SGCD: variants seen among roughly 807,000 people sequenced by gnomAD.
The protein encoded by SGCD is delta-sarcoglycan.
Under a neutral mutation model 36.6 loss-of-function variants are expected in SGCD, and 18 were observed. The ratio of observed to expected loss-of-function variants is 0.49; its 90% CI spans 0.34 to 0.73. The LOEUF is 0.73. Ranked by LOEUF, SGCD falls within the 30% of genes least tolerant of loss-of-function variation. The probability of loss-of-function intolerance (pLI) is 0.01; values close to 1 mark genes in which losing one functional copy is unlikely to be tolerated. For synonymous variants in SGCD, 133 were observed against 130.6 expected (o/e 1.02, Z -0.12); for missense variants, 387 against 346.7 (o/e 1.12, Z -0.92).
chr5:156,363,934 G>A (rs1379962919), intron 3 of SGCD, among the ~76,000 whole-genome samples: 3 of 152,098 alleles, frequency 2.0e-5, no homozygotes, highest in Non-Finnish European at 4.4e-5. Context: ...TTGGCCTGAC[G>A]GGAGTCACAT....
intron 7 of SGCD, among the ~76,000 whole-genome samples, chr5:156,681,797 T>G (rs1753733089): frequency 6.6e-6 from 1 of 152,192 alleles, no homozygotes; most frequent in African/African-American, 2.4e-5. Context: ...ATTAGAATGG[T>G]TTTTAAAGGT....
chr5:156,560,842 A>G lies in SGCD; in HGVS notation c.295-28389A>G, dbSNP rs4524494. 3.2e-3 allele frequency among the ~76,000 whole-genome samples: 483 copies of G among 152,268 alleles called. 5 individuals carry two copies. Among genetic ancestry groups the G allele is most frequent in the African/African-American group, 0.011 (463 of 41,550 alleles). ...TGGATCAAATTAGGTAAGTCAGTTT[A>G]TATATTTGATCTTCAGTTTTCTCAC... On this transcript the variant is annotated intron_variant, in intron 4 of 8. Transcript: ENST00000337851.
intron 3 of SGCD, among the ~76,000 whole-genome samples, chr5:156,267,830 T>C (rs1336778128): frequency 1.3e-5 from 2 of 152,266 alleles, no homozygotes; most frequent in African/African-American, 4.8e-5. Flanking sequence ...TTCAATCTTT[T>C]AGGCTGTCTT....
At chr5:156,606,862 G>T (rs1761485993) in intron 6 of SGCD, among the ~76,000 whole-genome samples, 4 of 152,158 alleles carry the variant, frequency 2.6e-5, no homozygotes, top group African/African-American at 9.7e-5. Flanking sequence ...TGTTATTGGT[G>T]TATAAGAATG....
chr5:156,292,290 C>T (rs1766778154), intron 3 of SGCD, among the ~76,000 whole-genome samples: 1 of 152,122 alleles, frequency 6.6e-6, no homozygotes, highest in East Asian at 1.9e-4. Context: ...TCACCTGCCC[C>T]TCAGGCCCTG....
intron 7 of SGCD, among the ~76,000 whole-genome samples, chr5:156,695,830 A>T (rs1754300315): frequency 1.3e-5 from 2 of 152,162 alleles, no homozygotes; most frequent in South Asian, 4.1e-4. Context: ...TTCCAATAAA[A>T]CTTTATTTAT....
intron 4 of SGCD, among the ~76,000 whole-genome samples, chr5:156,585,118 C>G (rs894166354): frequency 2.6e-5 from 4 of 152,122 alleles, no homozygotes; most frequent in African/African-American, 9.7e-5. Flanking sequence ...CAGAGAGTAG[C>G]TGAATAGGAA....
intron 6 of SGCD, among the ~76,000 whole-genome samples, chr5:156,610,071 T>C (rs1048337261): frequency 1.3e-5 from 2 of 152,248 alleles, no homozygotes; most frequent in African/African-American, 4.8e-5. Context: ...CGTCTAGCTT[T>C]GTTCCATTGC....
intron 4 of SGCD, among the ~76,000 whole-genome samples, chr5:156,577,310 G>T (rs911115622): frequency 1.3e-5 from 2 of 152,114 alleles, no homozygotes; most frequent in Non-Finnish European, 2.9e-5. Context: ...ATGCTATTTT[G>T]GTTGCTGTAG....
intron 1 of SGCD, among the ~76,000 whole-genome samples, chr5:156,052,523 G>A (rs1759946149): frequency 6.8e-6 from 1 of 146,202 alleles, no homozygotes; most frequent in Non-Finnish European, 1.5e-5. Context: ...GGGCTAGTTG[G>A]AAGGTTAGAG....
intron 1 of SGCD, among the ~76,000 whole-genome samples, chr5:156,056,198 T>C (rs1242667239): frequency 1.4e-5 from 2 of 145,836 alleles, no homozygotes; most frequent in Non-Finnish European, 3.1e-5. Context: ...ACCTCCAAGC[T>C]ACCCTTATTT....
At chr5:156,748,275 C>T (rs567928102) in intron 7 of SGCD, among the ~76,000 whole-genome samples, 7 of 152,108 alleles carry the variant, frequency 4.6e-5, no homozygotes, top group South Asian at 2.1e-4. Context: ...GTGTTGGATG[C>T]GATGGTGATT....
intron 1 of SGCD, among the ~76,000 whole-genome samples, chr5:156,037,259 G>A (rs1016899254): frequency 2.0e-5 from 3 of 152,180 alleles, no homozygotes; most frequent in Non-Finnish European, 4.4e-5. Flanking sequence ...AGAAGCTGGG[G>A]ACAAGGAGCC....
chr5:155,980,517 G>T (rs1213148791), intron 1 of SGCD, among the ~76,000 whole-genome samples: 1 of 134,114 alleles, frequency 7.5e-6, no homozygotes, highest in Non-Finnish European at 1.5e-5. Context: ...GAACCCGAGA[G>T]GCAGAGCTTG....
intron 1 of SGCD, among the ~76,000 whole-genome samples, chr5:156,063,588 T>C (rs1760289216): frequency 1.0e-5 from 1 of 96,360 alleles, no homozygotes; most frequent in African/African-American, 5.2e-5. Context: ...CTTCCATTTG[T>C]TTGTCTCCTC....
the SGCD span, among the ~76,000 whole-genome samples, chr5:155,802,874 T>C: frequency 2.0e-5 from 3 of 152,178 alleles, no homozygotes; most frequent in Admixed American, 2.0e-4. Context: ...TGCATAGATA[T>C]TTTTCATCTG....
At chr5:155,848,697 C>T in the SGCD span, among the ~76,000 whole-genome samples, 50 of 152,228 alleles carry the variant, frequency 3.3e-4, no homozygotes, top group East Asian at 9.3e-3. Context: ...ATATAGCTTT[C>T]CCCCAGCTAT....
At chr5:155,733,287 A>C in the SGCD span, among the ~76,000 whole-genome samples, 1 of 152,154 alleles carries the variant, frequency 6.6e-6, no homozygotes, top group African/African-American at 2.4e-5. Flanking sequence ...CTGCAAGTAA[A>C]AAGGAGCTAT....
chr5:156,006,252 T>C (rs1452797076), intron 1 of SGCD, among the ~76,000 whole-genome samples: 1 of 152,230 alleles, frequency 6.6e-6, no homozygotes, highest in Admixed American at 6.5e-5. Context: ...ATTTTCTAAA[T>C]AAGGTCACTG....
Sources: allele counts gnomAD v4.1 joint callset (sites outside exome capture counted in the v4.1 genomes callset), GRCh38; gene constraint gnomAD v4.1.1; transcripts MANE v1.5; gene names NCBI Gene and HGNC (gene_info 2026-07-23, HGNC 2026-07-21).